The following NEK6 variants were observed in gnomAD, a reference collection of about 807,000 sequenced individuals.
NEK6 encodes serine/threonine-protein kinase Nek6.
Under a neutral mutation model 43.5 loss-of-function variants are expected in NEK6, and 27 were observed. That is an observed-to-expected ratio of 0.62 (90% CI 0.46 to 0.86). NEK6 has a LOEUF of 0.86. NEK6 is among the 40% of genes least tolerant of loss of function. The pLI, the probability that NEK6 is intolerant of heterozygous loss-of-function variation, is 0.00. For missense variants in NEK6, 318 were observed against 414.4 expected (o/e 0.77, Z 2.02); for synonymous variants, 167 against 164.1 (o/e 1.02, Z -0.14).
Position 124,312,505 on chromosome 9 carries a change from C to G in NEK6, c.91-4C>G, listed in dbSNP as rs550629652. 2 of 1,527,316 alleles carry G rather than the reference C, an allele frequency of 1.3e-6. No individual in the cohort carries two copies. The highest frequency in any genetic ancestry group is 8.9e-7 in the Non-Finnish European group (1 of 1,124,814). 94.6% of individuals were successfully genotyped at this position (1,527,316 alleles called of 1,614,324 possible). A position where few individuals can be genotyped will look rare whatever the true frequency, so the allele number is the denominator to read the frequency against. Reference sequence around the variant, plus strand: ...TCACGGAGGCCCTCTGTCCCCCGTTCCAGAGGCATCCCAACACGCTGTCTT... The same window carrying G: ...TCACGGAGGCCCTCTGTCCCCCGTTGCAGAGGCATCCCAACACGCTGTCTT... On this transcript the variant is annotated splice_region_variant and splice_polypyrimidine_tract_variant and intron_variant, in intron 2 of 9. Transcript: ENST00000320246.
chr9:124,298,211 C>T (rs945609836), intron 1 of NEK6, among the ~76,000 whole-genome samples: 3 of 152,128 alleles, frequency 2.0e-5, no homozygotes, highest in South Asian at 2.1e-4. Context: ...TTCTCCCTTC[C>T]TCCTTCCCCC....
intron 1 of NEK6, among the ~76,000 whole-genome samples, chr9:124,279,076 A>T (rs896059833): frequency 5.9e-5 from 9 of 151,730 alleles, no homozygotes; most frequent in African/African-American, 1.9e-4. Flanking sequence ...CCATATTTCA[A>T]TTCTGGCCTG....
At chr9:124,328,649 T>C (rs763887652) in intron 7 of NEK6, among the ~76,000 whole-genome samples, 1 of 152,198 alleles carries the variant, frequency 6.6e-6, no homozygotes, top group Non-Finnish European at 1.5e-5. Context: ...GACAGCAGCA[T>C]TGTCTGGGCG....
chr9:124,329,105 G>GT (rs1402826844), intron 7 of NEK6, among the ~76,000 whole-genome samples: 1 of 152,236 alleles, frequency 6.6e-6, no homozygotes, highest in Non-Finnish European at 1.5e-5. Context: ...TACCGTTGGA[G>GT]TCCCCCTTTG....
At chr9:124,293,322 C>T (rs1260147987) in intron 1 of NEK6, among the ~76,000 whole-genome samples, 1 of 152,224 alleles carries the variant, frequency 6.6e-6, no homozygotes, top group Non-Finnish European at 1.5e-5. Flanking sequence ...CTGCTGCCTG[C>T]AGTGCCCGAC....
At chr9:124,283,989 C>A (rs1832039451) in intron 1 of NEK6, among the ~76,000 whole-genome samples, 1 of 152,202 alleles carries the variant, frequency 6.6e-6, no homozygotes, top group African/African-American at 2.4e-5. Context: ...ATTGAGTGAG[C>A]AAATAATGGA....
At chr9:124,329,326 C>T (rs1404673233) in intron 7 of NEK6, among the ~76,000 whole-genome samples, 1 of 152,264 alleles carries the variant, frequency 6.6e-6, no homozygotes, top group African/African-American at 2.4e-5. Flanking sequence ...CCCCGTCAGT[C>T]AGCACCGAGC....
chr9:124,322,879 C>G (rs1834145901), intron 5 of NEK6, among the ~76,000 whole-genome samples: 1 of 152,264 alleles, frequency 6.6e-6, no homozygotes, highest in East Asian at 1.9e-4. Context: ...AGTGGCATTA[C>G]TTGAGCTGTT....
At chr9:124,276,083 C>G (rs1831639431) in intron 1 of NEK6, among the ~76,000 whole-genome samples, 1 of 151,830 alleles carries the variant, frequency 6.6e-6, no homozygotes, top group Non-Finnish European at 1.5e-5. Flanking sequence ...CTGTGAACTT[C>G]AGGAGAGAGG....
intron 1 of NEK6, among the ~76,000 whole-genome samples, chr9:124,278,220 G>A (rs1831727897): frequency 6.6e-6 from 1 of 152,230 alleles, no homozygotes; most frequent in South Asian, 2.1e-4. Context: ...GTGTGGGGGA[G>A]GCGAGACCGT....
At chr9:124,277,699 A>G (rs566594526) in intron 1 of NEK6, among the ~76,000 whole-genome samples, 1 of 152,326 alleles carries the variant, frequency 6.6e-6, no homozygotes, top group African/African-American at 2.4e-5. Context: ...CGTGTCGTTT[A>G]TTCTCTTCCC....
intron 1 of NEK6, among the ~76,000 whole-genome samples, chr9:124,271,806 C>A (rs1156634568): frequency 6.6e-6 from 1 of 152,280 alleles, no homozygotes; most frequent in African/African-American, 2.4e-5. Flanking sequence ...TGCCCCTGAG[C>A]AGTCCATCCT....
At position 124,275,906 on chromosome 9, in the gene NEK6, G is replaced by A. The variant is rs900964506; in HGVS notation, c.-30+17821G>A. 6.6e-6 allele frequency among the ~76,000 whole-genome samples: 1 copy of A among 152,262 alleles called. No homozygotes were observed. Among genetic ancestry groups the A allele is most frequent in the African/African-American group, 2.4e-5 (1 of 41,468 alleles). On this transcript the variant is annotated intron_variant, in intron 1 of 9. Coordinates refer to ENST00000320246, the MANE Select transcript of NEK6 (RefSeq NM_014397.6). This position sits in a 1 kb window ranked among gnomAD's most constrained non-coding sequence, Gnocchi z 4.4. ...GGACAGATAGGTCAGCGGGACGGAT[G>A]GAACCAGCTCTGTGACTCACATACC...
chr9:124,315,616 C>A (rs1260539846), intron 4 of NEK6, among the ~76,000 whole-genome samples: 1 of 152,220 alleles, frequency 6.6e-6, no homozygotes, highest in African/African-American at 2.4e-5. Flanking sequence ...ACCCATTGCC[C>A]CCTCCCCACC....
At chr9:124,341,038 A>C (rs779339813) in intron 8 of NEK6, among the ~76,000 whole-genome samples, 11 of 152,180 alleles carry the variant, frequency 7.2e-5, no homozygotes, top group Non-Finnish European at 1.3e-4. Context: ...TAAACTTCAC[A>C]GCATCTTTCT....
chr9:124,309,650 G>A (rs1191062308), intron 2 of NEK6, among the ~76,000 whole-genome samples: 5 of 152,226 alleles, frequency 3.3e-5, no homozygotes, highest in African/African-American at 9.6e-5. Context: ...GAGACATAGA[G>A]CTGTCTAAGC....
At chr9:124,295,196 AG>A (rs903434721) in intron 1 of NEK6, among the ~76,000 whole-genome samples, 3 of 152,228 alleles carry the variant, frequency 2.0e-5, no homozygotes, top group African/African-American at 7.2e-5. Context: ...TAGAGCAGCC[AG>A]GCTTCCGCTG....
chr9:124,312,586 C>T lies in NEK6; in HGVS notation c.168C>T (p.Phe56=). Residue 56 remains phenylalanine (F), a synonymous_variant, in exon 3 of 10, where the codon TTC becomes TTT. Coordinates refer to ENST00000320246, the MANE Select transcript of NEK6 (RefSeq NM_014397.6). ...QIEKKIGRGQ[F]SEVYKATCLL... is the part of the protein sequence containing the mutation. ...AAAAGAAGATAGGCCGAGGACAGTT[C>T]AGCGAGGTGTACAAGGCCACCTGCC... 1 of 1,614,202 alleles carries T rather than the reference C, an allele frequency of 6.2e-7. No homozygotes were observed. The highest frequency in any genetic ancestry group is 8.5e-7 in the Non-Finnish European group (1 of 1,180,036).
chr9:124,295,790 A>G (rs1304359735), intron 1 of NEK6, among the ~76,000 whole-genome samples: 1 of 152,160 alleles, frequency 6.6e-6, no homozygotes, highest in Non-Finnish European at 1.5e-5. Context: ...CATTCCTTAC[A>G]GCCCCTGGGC....
Sources: allele counts gnomAD v4.1 joint callset (sites outside exome capture counted in the v4.1 genomes callset), GRCh38; gene constraint gnomAD v4.1.1; non-coding constraint Gnocchi (gnomAD v3.1); transcripts MANE v1.5; gene names NCBI Gene and HGNC (gene_info 2026-07-23, HGNC 2026-07-21).